Variants in NRIP1 observed in about 807,000 individuals in gnomAD.
The protein encoded by NRIP1 is nuclear receptor interacting protein 1, also known as nuclear receptor-interacting protein 1.
Under a neutral mutation model 75.0 loss-of-function variants are expected in NRIP1, and 28 were observed. The ratio of observed to expected loss-of-function variants is 0.37; its 90% CI spans 0.28 to 0.51. NRIP1 has a LOEUF of 0.51. Ranked by LOEUF, NRIP1 falls within the 20% of genes least tolerant of loss-of-function variation. The probability of loss-of-function intolerance (pLI) is 0.92; values close to 1 mark genes in which losing one functional copy is unlikely to be tolerated. For missense variants in NRIP1, 1,435 were observed against 1,343.7 expected (o/e 1.07, Z -1.06); for synonymous variants, 526 against 487.6 (o/e 1.08, Z -1.04).
At chr21:14,973,843 ATTTTT>A (rs11391044) in intron 3 of NRIP1, among the ~76,000 whole-genome samples, 1 of 129,870 alleles carries the variant, frequency 7.7e-6, no homozygotes, top group Non-Finnish European at 1.6e-5. Context: ...TGCAGAGCTG[ATTTTT>A]TTTTTTTTTT....
intron 2 of NRIP1, 136 bp from the exon 3 acceptor site, chr21:15,014,602 T>A (rs1316115762): frequency 1.3e-5 from 5 of 395,738 alleles, no homozygotes; most frequent in African/African-American, 2.1e-5. Context: ...CAGAAAAATA[T>A]CAATTGTTTA....
rs114101411 is a variant in NRIP1, at chr21:15,010,062, T to G, written c.-335+4282A>C. Among the ~76,000 whole-genome samples, 699 of 152,280 alleles carry G rather than the reference T, an allele frequency of 4.6e-3. 4 individuals are homozygous for G. The highest frequency in any genetic ancestry group is 0.016 in the African/African-American group (661 of 41,536). On this transcript the variant is annotated intron_variant, in intron 3 of 3. Transcript: ENST00000318948. ...ACATAGACTGTACTATGAACATTTT[T>G]TTAAATAAATAAATGCAAAAAGGAA... is the stretch of plus-strand genomic sequence containing the variant.
intron 2 of NRIP1, among the ~76,000 whole-genome samples, chr21:15,029,185 AAC>A (rs2088587888): frequency 6.6e-6 from 1 of 152,116 alleles, no homozygotes; most frequent in Non-Finnish European, 1.5e-5. Flanking sequence ...TGGTCTACTT[AAC>A]ACAACTGCTG....
Sources: gnomAD v4.1 joint callset for allele counts (sites outside exome capture counted in the v4.1 genomes callset) on GRCh38, gnomAD v4.1.1 for gene constraint, MANE v1.5 for transcripts, NCBI Gene and HGNC (gene_info 2026-07-23, HGNC 2026-07-21) for gene names.